Variants in PLCB1 observed in about 807,000 individuals in gnomAD.
PLCB1 encodes phospholipase C beta 1, also known as 1-phosphatidylinositol 4,5-bisphosphate phosphodiesterase beta-1.
PLCB1 carries 46 observed loss-of-function variants against 161.8 expected under a neutral mutation model. That is an observed-to-expected ratio of 0.28 (90% CI 0.22 to 0.36). PLCB1 has a LOEUF of 0.36. PLCB1 is among the 10% of genes least tolerant of loss of function. The pLI, the probability that PLCB1 is intolerant of heterozygous loss-of-function variation, is 1.00. For synonymous variants in PLCB1, 517 were observed against 503.7 expected (o/e 1.03, Z -0.35); for missense variants, 1,016 against 1,472.5 (o/e 0.69, Z 5.07).
At chr20:8,532,062 G>A (rs1984835822) in intron 3 of PLCB1, among the ~76,000 whole-genome samples, 1 of 151,952 alleles carries the variant, frequency 6.6e-6, no homozygotes, top group Admixed American at 6.6e-5. Flanking sequence ...GTTTAGAGGG[G>A]CCTATTACCT....
intron 3 of PLCB1, among the ~76,000 whole-genome samples, chr20:8,561,612 T>C (rs1447073669): frequency 1.3e-5 from 2 of 152,044 alleles, no homozygotes; most frequent in African/African-American, 4.8e-5. Context: ...TTTGTGATGT[T>C]TTTAATTTAT....
At chr20:8,631,984 C>T (rs1220463802) in intron 4 of PLCB1, among the ~76,000 whole-genome samples, 1 of 146,960 alleles carries the variant, frequency 6.8e-6, no homozygotes, top group African/African-American at 2.5e-5. Flanking sequence ...CAAATGAAAA[C>T]CAAGCAAATG....
At chr20:8,279,618 T>C (rs972309562) in intron 2 of PLCB1, among the ~76,000 whole-genome samples, 4 of 152,222 alleles carry the variant, frequency 2.6e-5, no homozygotes, top group African/African-American at 9.6e-5. Context: ...ACATGTACTT[T>C]ACCATAATAA....
At chr20:8,739,147 T>C (rs1980737668) in intron 20 of PLCB1, 114 bp from the exon 21 acceptor site, 6 of 736,012 alleles carry the variant, frequency 8.2e-6, no homozygotes, top group Admixed American at 6.2e-5. Context: ...CAAGACTCTA[T>C]CTCAAAAAAA....
At chr20:8,578,948 C>T (rs892058641) in intron 3 of PLCB1, among the ~76,000 whole-genome samples, 4 of 152,216 alleles carry the variant, frequency 2.6e-5, no homozygotes, top group Admixed American at 2.6e-4. Flanking sequence ...TTACAAATTA[C>T]TTAATAAATG....
Position 8,393,624 on chromosome 20 carries a change from C to T in PLCB1, c.246+22174C>T, listed in dbSNP as rs573563011. Among the ~76,000 whole-genome samples, 10 of 152,226 alleles carry T rather than the reference C, an allele frequency of 6.6e-5. No individual in the cohort carries two copies. The East Asian group carries it at 1.5e-3, about 24-fold the overall frequency. Reference sequence around the variant, plus strand: ...GAACTGTGATTGCACCACTGCACTCCGGCCTGGGTGACTGGTCAAATAAGT... The same window carrying T: ...GAACTGTGATTGCACCACTGCACTCTGGCCTGGGTGACTGGTCAAATAAGT... On this transcript the variant is annotated intron_variant, in intron 3 of 31. Transcript: ENST00000338037.
intron 3 of PLCB1, among the ~76,000 whole-genome samples, chr20:8,432,013 C>T (rs947181955): frequency 2.0e-5 from 3 of 151,964 alleles, no homozygotes; most frequent in Non-Finnish European, 4.4e-5. Context: ...GCTCAGATGA[C>T]CTCTTCTTTG....
chr20:8,212,993 C>T (rs1217538646), intron 2 of PLCB1, among the ~76,000 whole-genome samples: 1 of 152,054 alleles, frequency 6.6e-6, no homozygotes, highest in Non-Finnish European at 1.5e-5. Context: ...TCTTCCTCCA[C>T]TCCTGTCTTT....
At chr20:8,375,910 T>C (rs984166114) in intron 3 of PLCB1, among the ~76,000 whole-genome samples, 1 of 147,124 alleles carries the variant, frequency 6.8e-6, no homozygotes, top group African/African-American at 2.5e-5. Flanking sequence ...ACCTGAAACT[T>C]CTTACCTCCT....
Position 8,708,688 on chromosome 20 carries a change from G to A in PLCB1, c.1186G>A (p.Ala396Thr). 1.2e-6 allele frequency: 2 copies of A among 1,612,452 alleles called. 1 individual carries two copies. Among genetic ancestry groups the A allele is most frequent in the South Asian group, 2.2e-5 (2 of 91,010 alleles). Residue 396 changes from alanine to threonine, a missense_variant, in exon 12 of 32, where the codon GCG becomes ACG. Transcript: ENST00000338037. ...ISFKEVIEAI[A>T]ECAFKTSPFP... Reference sequence around the variant, plus strand: ...TTTTTAGGAAGTGATAGAAGCAATTGCGGAGTGTGCATTTAAGACTTCACC... The same window carrying A: ...TTTTTAGGAAGTGATAGAAGCAATTACGGAGTGTGCATTTAAGACTTCACC...
At chr20:8,714,250 A>G (rs1979178996) in intron 12 of PLCB1, among the ~76,000 whole-genome samples, 1 of 152,050 alleles carries the variant, frequency 6.6e-6, no homozygotes, top group Non-Finnish European at 1.5e-5. Flanking sequence ...GATTCTGCTG[A>G]TGGTTCAGGG....
intron 2 of PLCB1, among the ~76,000 whole-genome samples, chr20:8,159,712 G>T (rs569134678): frequency 6.6e-6 from 1 of 152,126 alleles, no homozygotes; most frequent in African/African-American, 2.4e-5. Flanking sequence ...ACCAGGCCGG[G>T]CGTGGTGGCT....
chr20:8,522,381 A>C (rs1424183579), intron 3 of PLCB1, among the ~76,000 whole-genome samples: 1 of 152,124 alleles, frequency 6.6e-6, no homozygotes, highest in Non-Finnish European at 1.5e-5. Flanking sequence ...CATCATCCTC[A>C]TTCTGGCCTG....
chr20:8,288,783 C>T (rs941260699), intron 2 of PLCB1, among the ~76,000 whole-genome samples: 4 of 152,088 alleles, frequency 2.6e-5, no homozygotes, highest in Admixed American at 2.6e-4. Context: ...AGTTACTGAT[C>T]CACCTTCCTC....
At chr20:8,636,382 T>C (rs927167591) in intron 4 of PLCB1, among the ~76,000 whole-genome samples, 8 of 152,246 alleles carry the variant, frequency 5.3e-5, no homozygotes, top group African/African-American at 1.9e-4. Flanking sequence ...TGGAATTTTA[T>C]ACTGGTAGGT....
At chr20:8,826,495 C>CA (rs5840291) in intron 31 of PLCB1, among the ~76,000 whole-genome samples, 76,774 of 122,760 alleles carry the variant, frequency 0.63, 22,783 homozygotes, top group East Asian at 0.78. Context: ...GACTCCGTCT[C>CA]AAAAAAAAAA....
chr20:8,836,836 A>G (rs1296142166), intron 31 of PLCB1, among the ~76,000 whole-genome samples: 3 of 152,176 alleles, frequency 2.0e-5, no homozygotes, highest in Non-Finnish European at 4.4e-5. Flanking sequence ...TGCTGCATAC[A>G]TGATCTCAAA....
At chr20:8,646,316 G>T in intron 5 of PLCB1, 135 bp downstream of exon 5, 1 of 654,168 alleles carries the variant, frequency 1.5e-6, no homozygotes, top group Non-Finnish European at 2.7e-6. Flanking sequence ...GGATTTATTA[G>T]AGAACTGATA....
chr20:8,506,429 A>G (rs1446109144), intron 3 of PLCB1, among the ~76,000 whole-genome samples: 5 of 152,220 alleles, frequency 3.3e-5, no homozygotes, highest in South Asian at 2.1e-4. Context: ...TATACTGAAC[A>G]TGGAAATTCC....
Sources: allele counts gnomAD v4.1 joint callset (sites outside exome capture counted in the v4.1 genomes callset), GRCh38; gene constraint gnomAD v4.1.1; transcripts MANE v1.5; gene names NCBI Gene and HGNC (gene_info 2026-07-23, HGNC 2026-07-21).